The following OSBPL11 variants were observed in gnomAD, a reference collection of about 807,000 sequenced individuals.
The protein encoded by OSBPL11 is oxysterol binding protein like 11.
A neutral mutation model predicts 84.4 loss-of-function variants in OSBPL11; 33 were observed. The ratio of observed to expected loss-of-function variants is 0.39; its 90% CI spans 0.30 to 0.52. OSBPL11 has a LOEUF of 0.52. Ranked by LOEUF, OSBPL11 falls within the 20% of genes least tolerant of loss-of-function variation. OSBPL11 has a pLI of 0.72. For missense variants in OSBPL11, 736 were observed against 901.1 expected (o/e 0.82, Z 2.35); for synonymous variants, 276 against 310.2 (o/e 0.89, Z 1.16).
intron 10 of OSBPL11, among the ~76,000 whole-genome samples, chr3:125,538,956 A>G (rs544812623): frequency 6.6e-6 from 1 of 152,114 alleles, no homozygotes; most frequent in East Asian, 1.9e-4. Flanking sequence ...GAAATATGAA[A>G]AAATCAATAT....
At chr3:125,534,951 GAAAAAAAAAAAAAA>G (rs56164804) in intron 11 of OSBPL11, among the ~76,000 whole-genome samples, 1 of 64,640 alleles carries the variant, frequency 1.5e-5, no homozygotes, top group Non-Finnish European at 2.7e-5. Flanking sequence ...TAAGAAATTA[GAAAAAAAAAAAAAA>G]AAAAAAAAAA....
rs969481453 is a variant in OSBPL11, at chr3:125,529,488, C to T, written c.*1027G>A. 4.6e-5 allele frequency: 7 copies of T among 151,086 alleles called. No individual in the cohort carries two copies. Among genetic ancestry groups the T allele is most frequent in the Admixed American group, 1.3e-4 (2 of 15,130 alleles). The allele number at this position is 151,086 out of a possible 1,614,324, so 9.4% of individuals were successfully genotyped here. A position where few individuals can be genotyped will look rare whatever the true frequency, so the allele number is the denominator to read the frequency against. On this transcript the variant is annotated 3_prime_UTR_variant, in exon 13 of 13. Transcript: ENST00000296220. ...TAAATAAAACCATACCTTACATGCG[C>T]GTTCAGTTACACATATAAGTTTTGA...
At chr3:125,563,609 G>A (rs959919661) in intron 7 of OSBPL11, 89 bp downstream of exon 7, 18 of 1,276,154 alleles carry the variant, frequency 1.4e-5, no homozygotes, top group Non-Finnish European at 2.0e-5. Flanking sequence ...TTAAGTTGAT[G>A]TGCATGAGCT....
chr3:125,569,998 CACTTATAATTTGTGT>C (rs1936219529), intron 5 of OSBPL11, among the ~76,000 whole-genome samples: 2 of 152,108 alleles, frequency 1.3e-5, no homozygotes, highest in South Asian at 4.1e-4. Flanking sequence ...ACAAGAGGCA[CACTTATAATTTGTGT>C]ACTTTTCTAT....
chr3:125,582,428 G>A (rs914130416), intron 2 of OSBPL11, among the ~76,000 whole-genome samples: 9 of 152,044 alleles, frequency 5.9e-5, no homozygotes, highest in Non-Finnish European at 1.0e-4. Context: ...ATTTGATCCC[G>A]TTTAATATGC....
chr3:125,567,287 TCTC>T (rs1936170611), intron 6 of OSBPL11, 104 bp downstream of exon 6: 1 of 984,730 alleles, frequency 1.0e-6, no homozygotes, highest in Non-Finnish European at 1.5e-6. Flanking sequence ...CTGGTTTTCT[TCTC>T]CTTTTTTTAA....
chr3:125,567,083 G>A (rs1356724530), intron 6 of OSBPL11, among the ~76,000 whole-genome samples: 1 of 152,184 alleles, frequency 6.6e-6, no homozygotes, highest in African/African-American at 2.4e-5. Flanking sequence ...GATGGATAGT[G>A]ATGCCACTAA....
intron 1 of OSBPL11, among the ~76,000 whole-genome samples, chr3:125,592,109 T>C (rs1424645779): frequency 6.6e-6 from 1 of 152,212 alleles, no homozygotes; most frequent in Non-Finnish European, 1.5e-5. Flanking sequence ...CACCCAGGCT[T>C]GAGTGCAGTG....
At chr3:125,532,892 T>G (rs1346747205) in intron 11 of OSBPL11, among the ~76,000 whole-genome samples, 1 of 151,694 alleles carries the variant, frequency 6.6e-6, no homozygotes, top group Non-Finnish European at 1.5e-5. Context: ...AATTAATACT[T>G]CATGGATGAA....
intron 9 of OSBPL11, among the ~76,000 whole-genome samples, chr3:125,551,368 A>G (rs1935905321): frequency 6.6e-6 from 1 of 151,556 alleles, no homozygotes; most frequent in African/African-American, 2.4e-5. Context: ...ACATACACAC[A>G]CAGAAAAAGT....
chr3:125,583,716 C>T (rs916948339), intron 1 of OSBPL11, among the ~76,000 whole-genome samples: 2 of 151,302 alleles, frequency 1.3e-5, no homozygotes, highest in African/African-American at 2.4e-5. Flanking sequence ...CATAATGAGA[C>T]ACTGTCTCTC....
Position 125,562,169 on chromosome 3 carries a change from C to T in OSBPL11, c.1014+1529G>A, listed in dbSNP as rs550903342. Among the ~76,000 whole-genome samples the T allele has an allele frequency of 6.6e-5, 10 of 152,166 alleles. No homozygotes were observed. The East Asian group carries it at 1.9e-3, about 29-fold the overall frequency. ...ATGTCTTCTTCCTTTCTCTGAATGC[C>T]CCTATCCCAATAGCCTACATGGTAT... is the stretch of plus-strand genomic sequence containing the variant. On this transcript the variant is annotated intron_variant, in intron 7 of 12. Transcript: ENST00000296220.
chr3:125,530,445 G>T lies in OSBPL11; in HGVS notation c.*70C>A. On this transcript the variant is annotated 3_prime_UTR_variant, in exon 13 of 13. Transcript: ENST00000296220. ...CAGGAAGCAGGTCACTCAGTGCAAT[G>T]ACTCCATTCTGGGAGGATTTAGGGT... The T allele has an allele frequency of 2.2e-6, 3 of 1,388,114 alleles. No individual in the cohort carries two copies. In the South Asian group the frequency reaches 3.5e-5, roughly 16 times the overall value. 86.0% of individuals were successfully genotyped at this position (1,388,114 alleles called of 1,614,324 possible).
At chr3:125,554,564 A>G (rs1935961106) in intron 8 of OSBPL11, among the ~76,000 whole-genome samples, 1 of 152,238 alleles carries the variant, frequency 6.6e-6, no homozygotes, top group African/African-American at 2.4e-5. Flanking sequence ...GATTTCTGAG[A>G]AAACCTCTAA....
intron 1 of OSBPL11, among the ~76,000 whole-genome samples, chr3:125,592,515 T>C (rs72979767): frequency 2.5e-3 from 380 of 152,276 alleles, no homozygotes; most frequent in African/African-American, 8.9e-3. Context: ...TTAAAATATA[T>C]TGCATGTCAT....
chr3:125,534,971 AAAAAAAG>A, intron 11 of OSBPL11, among the ~76,000 whole-genome samples: 1 of 149,534 alleles, frequency 6.7e-6, no homozygotes, highest in Non-Finnish European at 1.5e-5. Context: ...AAAAAAAAAA[AAAAAAAG>A]CAAATTATTT....
chr3:125,573,284 T>C (rs922426060), intron 5 of OSBPL11, among the ~76,000 whole-genome samples: 1 of 152,016 alleles, frequency 6.6e-6, no homozygotes, highest in African/African-American at 2.4e-5. Context: ...GCAATTGTAG[T>C]GATAGGAGTA....
chr3:125,585,689 T>C (rs1580065347), intron 1 of OSBPL11, among the ~76,000 whole-genome samples: 1 of 152,196 alleles, frequency 6.6e-6, no homozygotes, highest in Non-Finnish European at 1.5e-5. Context: ...AAGAACCAAC[T>C]TGAAAACATC....
At chr3:125,575,707 A>C (rs1936311828) in intron 5 of OSBPL11, among the ~76,000 whole-genome samples, 1 of 143,670 alleles carries the variant, frequency 7.0e-6, no homozygotes, top group Non-Finnish European at 1.5e-5. Flanking sequence ...AATTAAAAAA[A>C]AAAATTTTTT....
Sources: gnomAD v4.1 joint callset for allele counts (sites outside exome capture counted in the v4.1 genomes callset) on GRCh38, gnomAD v4.1.1 for gene constraint, MANE v1.5 for transcripts, NCBI Gene and HGNC (gene_info 2026-07-23, HGNC 2026-07-21) for gene names.